Variants in HIP1R observed in about 807,000 individuals in gnomAD.
HIP1R encodes the protein huntingtin-interacting protein 1-related protein.
A neutral mutation model predicts 144.2 loss-of-function variants in HIP1R; 135 were observed. The observed-to-expected ratio is 0.94, with a 90% CI of 0.81 to 1.08. The LOEUF (loss-of-function observed/expected upper bound fraction) is 1.08. HIP1R is among the 50% of genes least tolerant of loss of function. HIP1R has a pLI of 0.00. For missense variants in HIP1R, 1,462 were observed against 1,432.8 expected, an observed-to-expected ratio of 1.02 and a Z score of -0.33; for synonymous variants, 698 against 612.8, an observed-to-expected ratio of 1.14 and a Z score of -2.05.
At chr12:122,845,588 C>G (rs1192924098) in intron 1 of HIP1R, among the ~76,000 whole-genome samples, 1 of 152,210 alleles carries the variant, frequency 6.6e-6, no homozygotes, top group Non-Finnish European at 1.5e-5. Context: ...ATGCCAGGCA[C>G]TGTTGAGGAG....
At position 122,862,033 on chromosome 12, in the gene HIP1R, T is replaced by C; in HGVS notation, c.*280T>C. ...GCCTCAACTCTTCAGAAAATAGTGT[T>C]TTTAATATTCCTCTTCAGAAAATAG... On this transcript the variant is annotated 3_prime_UTR_variant, in exon 32 of 32. Coordinates refer to ENST00000253083, the MANE Select transcript of HIP1R (RefSeq NM_003959.3). 2.2e-6 allele frequency: 1 copy of C among 451,126 alleles called. No individual in the cohort carries two copies. The highest frequency in any genetic ancestry group is 3.9e-6 in the Non-Finnish European group (1 of 256,176). 27.9% of individuals were successfully genotyped at this position (451,126 alleles called of 1,614,324 possible).
At position 122,856,497 on chromosome 12, in the gene HIP1R, G is replaced by A; in HGVS notation, c.1467G>A (p.Lys489=). The A allele has an allele frequency of 6.3e-7, 1 of 1,594,120 alleles. No homozygotes were observed. Among genetic ancestry groups the A allele is most frequent in the Non-Finnish European group, 8.5e-7 (1 of 1,169,856 alleles). ...GCCAGGAGGAGGTGGCGCGGGTGAAGGAGCAGCTGGCCTTCCAGGTGGAGC... is the reference window on the plus strand; with the variant it reads ...GCCAGGAGGAGGTGGCGCGGGTGAAAGAGCAGCTGGCCTTCCAGGTGGAGC... ...QQSQEEVARV[K]EQLAFQVEQV... The change falls in exon 16 of 32, where the codon AAG becomes AAA. Residue 489 remains lysine (K), a synonymous_variant. Transcript: ENST00000253083.
chr12:122,837,292 G>T (rs1036070605), intron 1 of HIP1R, among the ~76,000 whole-genome samples: 1 of 151,568 alleles, frequency 6.6e-6, no homozygotes, highest in South Asian at 2.1e-4. Flanking sequence ...ACATTTTAGT[G>T]GTTGGTTTGA....
chr12:122,835,086 C>A, upstream of HIP1R: 1 of 1,048,192 alleles, frequency 9.5e-7, no homozygotes, highest in Non-Finnish European at 1.3e-6. Flanking sequence ...GGGGTTCCCC[C>A]TCCCCCTTCC....
intron 18 of HIP1R, 191 bp from the exon 19 acceptor site, chr12:122,857,911 T>C: frequency 2.2e-6 from 1 of 458,006 alleles, no homozygotes; most frequent in Non-Finnish European, 3.8e-6. Context: ...AGCTCACGTT[T>C]TAATTGGGTT....
At position 122,856,145 on chromosome 12, in the gene HIP1R, C is replaced by T; in HGVS notation, c.1294C>T (p.Leu432=). 4 of 1,597,268 alleles carry T rather than the reference C, an allele frequency of 2.5e-6. No homozygotes were observed. Among genetic ancestry groups the T allele is most frequent in the Non-Finnish European group, 3.4e-6 (4 of 1,172,466 alleles). ...AQLEGERSQG[L]REEAERKASA... Reference sequence around the variant, plus strand: ...GCTGGAGGGCGAGCGGAGCCAGGGCCTGCGTGAGGAGGCTGAGAGTACGTG... The same window carrying T: ...GCTGGAGGGCGAGCGGAGCCAGGGCTTGCGTGAGGAGGCTGAGAGTACGTG... Residue 432 remains leucine, a synonymous_variant, in exon 14 of 32, where the codon CTG becomes TTG. Coordinates refer to ENST00000253083, the MANE Select transcript of HIP1R (RefSeq NM_003959.3).
Position 122,860,170 on chromosome 12 carries a change from C to A in HIP1R, c.2519C>A (p.Thr840Lys). The change falls in exon 26 of 32, where the codon ACA becomes AAA. Residue 840 changes from threonine to lysine, a missense_variant. Physicochemically the swap from Thr to Lys is moderately conservative, Grantham distance 78. Transcript: ENST00000253083. ...CAGGCTATCCGGCTCCTGGTGACGA[C>A]ATCCACTAGCCTGCAGAAGGAGATC... is the stretch of plus-strand genomic sequence containing the variant. ...LMKAIRLLVT[T>K]STSLQKEIVE... 6.4e-7 allele frequency: 1 copy of A among 1,572,558 alleles called. No individual in the cohort carries two copies.
intron 26 of HIP1R, 80 bp downstream of exon 26, chr12:122,860,290 C>T (rs2033730419): frequency 1.3e-6 from 2 of 1,531,534 alleles, no homozygotes; most frequent in East Asian, 2.3e-5. Context: ...TGAGACCCTC[C>T]ACCCCCTACC....
At position 122,862,504 on chromosome 12, in the gene HIP1R, C is replaced by A. The variant is rs2135683613; in HGVS notation, c.*751C>A. Reference sequence around the variant, plus strand: ...ACCCCCATTTCCTGTTTTCCATTCCCCCGTTCTGGCCGCGCCCCACTGCCC... The same window carrying A: ...ACCCCCATTTCCTGTTTTCCATTCCACCGTTCTGGCCGCGCCCCACTGCCC... On this transcript the variant is annotated 3_prime_UTR_variant, in exon 32 of 32. Coordinates refer to ENST00000253083, the MANE Select transcript of HIP1R (RefSeq NM_003959.3). 6.6e-6 allele frequency: 1 copy of A among 152,552 alleles called. No homozygotes were observed. The highest frequency in any genetic ancestry group is 2.1e-4 in the South Asian group (1 of 4,832). The allele number at this position is 152,552 out of a possible 1,614,324, so 9.4% of individuals were successfully genotyped here. A position where few individuals can be genotyped will look rare whatever the true frequency, so the allele number is the denominator to read the frequency against.
intron 1 of HIP1R, among the ~76,000 whole-genome samples, chr12:122,847,302 GC>G (rs2033237015): frequency 2.0e-5 from 3 of 150,944 alleles, no homozygotes; most frequent in Non-Finnish European, 4.5e-5. Context: ...AGTAGCCGGG[GC>G]GGGGGGGGAG....
At chr12:122,857,982 C>T in intron 18 of HIP1R, 120 bp from the exon 19 acceptor site, 2 of 839,644 alleles carry the variant, frequency 2.4e-6, no homozygotes, top group South Asian at 1.9e-5. Context: ...TCTCCACCCC[C>T]CTGACCAGTG....
chr12:122,851,399 C>A, intron 7 of HIP1R, 102 bp downstream of exon 7: 1 of 986,332 alleles, frequency 1.0e-6, no homozygotes, highest in Non-Finnish European at 1.4e-6. Context: ...ACCAACTGAT[C>A]ACTATGAAAT....
Position 122,851,219 on chromosome 12 carries a change from C to G in HIP1R, c.516-17C>G. On this transcript the variant is annotated splice_polypyrimidine_tract_variant and intron_variant, in intron 6 of 31. Coordinates refer to ENST00000253083, the MANE Select transcript of HIP1R (RefSeq NM_003959.3). ...CACCCACCCTTTTTCATTTCTTCCCCCACTTCTCTTGCGTAGCTTCCAGCT... is the reference window on the plus strand; with the variant it reads ...CACCCACCCTTTTTCATTTCTTCCCGCACTTCTCTTGCGTAGCTTCCAGCT... 1 of 1,494,874 alleles carries G rather than the reference C, an allele frequency of 6.7e-7. No individual in the cohort carries two copies. The allele number at this position is 1,494,874 out of a possible 1,614,324, so 92.6% of individuals were successfully genotyped here. A position where few individuals can be genotyped will look rare whatever the true frequency, so the allele number is the denominator to read the frequency against.
chr12:122,849,992 C>G (rs59065210), intron 5 of HIP1R, 37 bp downstream of exon 5: 1 of 1,459,222 alleles, frequency 6.9e-7, no homozygotes, highest in East Asian at 2.3e-5. Context: ...CTGAGGGACC[C>G]GTGGGCTTTT....
In HIP1R at chr12:122,855,463, G is replaced by C. The variant is rs548622345; in HGVS notation, c.993+58G>C. The C allele has an allele frequency of 2.0e-5, 31 of 1,547,458 alleles. No homozygotes were observed. In the South Asian group the frequency reaches 3.7e-4, roughly 18 times the overall value. On this transcript the variant is annotated intron_variant, in intron 11 of 31. Transcript: ENST00000253083. ...CCTCCAGCTGCAGCATGAGGCCAAC[G>C]GGAGTGTCGGGTGGCCAGCCCTCCC...
intron 1 of HIP1R, among the ~76,000 whole-genome samples, chr12:122,843,905 G>T (rs2033134313): frequency 6.6e-6 from 1 of 152,168 alleles, no homozygotes; most frequent in Non-Finnish European, 1.5e-5. Context: ...AGGCTGGAGT[G>T]CAGTGGCATG....
intron 1 of HIP1R, among the ~76,000 whole-genome samples, chr12:122,844,985 A>G (rs548998252): frequency 6.6e-6 from 1 of 152,356 alleles, no homozygotes; most frequent in African/African-American, 2.4e-5. Flanking sequence ...GGGGAGAACT[A>G]CGTTCACCCC....
At position 122,856,651 on chromosome 12, in the gene HIP1R, G is replaced by A. The variant is rs777633181; in HGVS notation, c.1545G>A (p.Glu515=). Residue 515 remains glutamate, a synonymous_variant, in exon 17 of 32, where the codon GAG becomes GAA. Coordinates refer to ENST00000253083, the MANE Select transcript of HIP1R (RefSeq NM_003959.3). The stretch of plus-strand genomic sequence containing the variant: ...TAGAGGAGAAGAGCGACCAGCTGGA[G>A]AAGCTCAAGAGGGAGCTGGAGGCCA... ...LKLEEKSDQL[E]KLKRELEAKA... is the part of the protein sequence containing the mutation. 35 of 1,604,780 alleles carry A rather than the reference G, an allele frequency of 2.2e-5. No individual in the cohort carries two copies. The highest frequency in any genetic ancestry group is 6.7e-5 in the East Asian group (3 of 44,620).
rs1260612595 is a variant in HIP1R, at chr12:122,851,242, G to A, written c.522G>A (p.Gln174=). Residue 174 remains glutamine, a synonymous_variant, in exon 7 of 32, where the codon CAG becomes CAA. Transcript: ENST00000253083. The part of the protein sequence containing the change: ...AAGTDVNNIF[Q]LTVEMFDYMD... ...CCCCACTTCTCTTGCGTAGCTTCCA[G>A]CTCACTGTGGAGATGTTTGATTACA... 3 of 1,527,792 alleles carry A rather than the reference G, an allele frequency of 2.0e-6. No individual in the cohort carries two copies. Among genetic ancestry groups the A allele is most frequent in the Admixed American group, 2.4e-5 (1 of 41,808 alleles). 94.6% of individuals were successfully genotyped at this position (1,527,792 alleles called of 1,614,324 possible). A position where few individuals can be genotyped will look rare whatever the true frequency, so the allele number is the denominator to read the frequency against.
Sources: gnomAD v4.1 joint callset for allele counts (sites outside exome capture counted in the v4.1 genomes callset) on GRCh38, gnomAD v4.1.1 for gene constraint, MANE v1.5 for transcripts, NCBI Gene and HGNC (gene_info 2026-07-23, HGNC 2026-07-21) for gene names.